SIN3A: variants seen among roughly 807,000 people sequenced by gnomAD.
SIN3A encodes the protein paired amphipathic helix protein Sin3a.
SIN3A carries 14 observed loss-of-function variants against 146.1 expected under a neutral mutation model. That is an observed-to-expected ratio of 0.10 (90% confidence interval 0.06 to 0.15). The LOEUF is 0.15. SIN3A is among the 10% of genes least tolerant of loss of function. The pLI, the probability that SIN3A is intolerant of heterozygous loss-of-function variation, is 1.00. For synonymous variants in SIN3A, 572 were observed against 572.0 expected (o/e 1.00, Z 0.00); for missense variants, 1,028 against 1,576.0 (o/e 0.65, Z 5.89).
chr15:75,400,106 G>A lies in SIN3A; in HGVS notation c.1788C>T (p.Thr596=), dbSNP rs2073383378. Residue 596 remains threonine (T), a synonymous_variant, in exon 12 of 21, where the codon ACC becomes ACT. Transcript: ENST00000394947. The part of the protein sequence containing the change: ...VSFPSWSEDS[T]FVSSKKTQYE... ...ATTGAGTCTTCTTGGAACTCACAAA[G>A]GTAGAGTCCTCAGACCACGAAGGGA... The A allele has an allele frequency of 2.5e-6, 4 of 1,612,062 alleles. No homozygotes were observed. The highest frequency in any genetic ancestry group is 1.3e-5 in the African/African-American group (1 of 74,862).
chr15:75,424,702 TG>T (rs1357789418), intron 2 of SIN3A, among the ~76,000 whole-genome samples: 3 of 152,046 alleles, frequency 2.0e-5, no homozygotes, highest in Non-Finnish European at 4.4e-5. Context: ...CTTGAACTCT[TG>T]GGTATGGAGT....
intron 3 of SIN3A, chr15:75,415,854 GAAAAA>G (rs397946961): frequency 1.4e-4 from 13 of 96,240 alleles, no homozygotes; most frequent in South Asian, 5.7e-4. Flanking sequence ...TCGGTCTCAG[GAAAAA>G]AAAAAAAAAA....
intron 16 of SIN3A, among the ~76,000 whole-genome samples, chr15:75,385,010 C>T (rs1005597885): frequency 3.3e-5 from 5 of 152,114 alleles, no homozygotes; most frequent in Non-Finnish European, 5.9e-5. Flanking sequence ...CCCATCTCTA[C>T]TAAAAATACA....
In SIN3A at chr15:75,442,162, T is replaced by G. The variant is rs1275886792; in HGVS notation, c.-34+9261A>C. On this transcript the variant is annotated intron_variant, in intron 1 of 20. Transcript: ENST00000394947. ...AAAAAAAAAAAAAAAAACTGATTTT[T>G]TTTTTCATTTTTACATAATTTTTCC... is the stretch of plus-strand genomic sequence containing the variant. Among the ~76,000 whole-genome samples the G allele has an allele frequency of 2.0e-5, 3 of 150,092 alleles. 1 individual carries two copies.
chr15:75,402,030 A>C, intron 9 of SIN3A, 60 bp from the exon 10 acceptor site: 1 of 1,073,572 alleles, frequency 9.3e-7, no homozygotes, highest in Non-Finnish European at 1.4e-6. Flanking sequence ...GGAACTGAAA[A>C]GGGCCTCGCT....
rs901705718 is a variant in SIN3A, at chr15:75,369,385, C to T, written c.*2594G>A. 4 of 152,026 alleles carry T rather than the reference C, an allele frequency of 2.6e-5. No homozygotes were observed. Among genetic ancestry groups the T allele is most frequent in the Non-Finnish European group, 5.9e-5 (4 of 68,024 alleles). The allele number at this position is 152,026 out of a possible 1,614,324, so 9.4% of individuals were successfully genotyped here. On this transcript the variant is annotated 3_prime_UTR_variant, in exon 21 of 21. Coordinates refer to ENST00000394947, the MANE Select transcript of SIN3A (RefSeq NM_001145358.2). ...CAAAAAAAAATACACAAGATTAGCC[C>T]TGATATTTTAATGGAAATACTGACC...
intron 8 of SIN3A, among the ~76,000 whole-genome samples, chr15:75,407,995 T>A (rs1313897871): frequency 6.9e-6 from 1 of 144,094 alleles, no homozygotes; most frequent in African/African-American, 2.5e-5. Flanking sequence ...CATGATATAA[T>A]CCTGTCAGGC....
At chr15:75,411,311 GT>G (rs1308538112) in intron 6 of SIN3A, among the ~76,000 whole-genome samples, 180 bp downstream of exon 6, 3 of 152,224 alleles carry the variant, frequency 2.0e-5, no homozygotes, top group Non-Finnish European at 2.9e-5. Context: ...CTGGGTGACA[GT>G]GCAAGACTCC....
intron 1 of SIN3A, among the ~76,000 whole-genome samples, chr15:75,441,252 C>T (rs189319130): frequency 2.6e-5 from 4 of 151,498 alleles, no homozygotes; most frequent in African/African-American, 7.3e-5. Flanking sequence ...GGAGGTTGAC[C>T]GAGATCTCGC....
intron 9 of SIN3A, 41 bp from the exon 10 acceptor site, chr15:75,402,011 T>C (rs753993976): frequency 2.6e-5 from 35 of 1,338,348 alleles, no homozygotes; most frequent in Non-Finnish European, 3.5e-5. Flanking sequence ...TTTGTTTTTC[T>C]TAAAGTGGGG....
chr15:75,441,271 T>C (rs1360876931), intron 1 of SIN3A, among the ~76,000 whole-genome samples: 1 of 151,380 alleles, frequency 6.6e-6, no homozygotes, highest in African/African-American at 2.4e-5. Flanking sequence ...GCCACTACAC[T>C]CCAGCGTGGG....
chr15:75,401,006 T>A, intron 10 of SIN3A, 66 bp from the exon 11 acceptor site: 1 of 1,096,752 alleles, frequency 9.1e-7, no homozygotes, highest in Non-Finnish European at 1.4e-6. Context: ...GAGGTATGAC[T>A]ACTACCATCT....
rs528682215 is a variant in SIN3A at position 75,403,798 on chromosome 15, G to A, written c.1408-1828C>T. ...TGACTTCAGGTGATCCACCCACCTC[G>A]GCCTCTCAAAGTGCTGGGATTACAG... is the stretch of plus-strand genomic sequence containing the variant. On this transcript the variant is annotated intron_variant, in intron 9 of 20. Coordinates refer to ENST00000394947, the MANE Select transcript of SIN3A (RefSeq NM_001145358.2). 1.9e-4 allele frequency among the ~76,000 whole-genome samples: 29 copies of A among 152,098 alleles called. No individual in the cohort carries two copies. In the South Asian group the frequency reaches 5.4e-3, roughly 28 times the overall value.
chr15:75,394,606 G>T, intron 14 of SIN3A, 74 bp downstream of exon 14: 1 of 1,251,906 alleles, frequency 8.0e-7, no homozygotes. Context: ...TTTAACAAAG[G>T]TAATTTCCAG....
At chr15:75,424,916 A>G (rs1013448387) in intron 2 of SIN3A, among the ~76,000 whole-genome samples, 1 of 152,216 alleles carries the variant, frequency 6.6e-6, no homozygotes, top group African/African-American at 2.4e-5. Flanking sequence ...CACTTCAACA[A>G]TGATATATAT....
chr15:75,417,565 G>A (rs889349086), intron 3 of SIN3A, among the ~76,000 whole-genome samples: 3 of 151,928 alleles, frequency 2.0e-5, no homozygotes, highest in Non-Finnish European at 4.4e-5. Context: ...TTTTAGTAGA[G>A]ATGGGATTTC....
intron 14 of SIN3A, among the ~76,000 whole-genome samples, 194 bp from the exon 15 acceptor site, chr15:75,393,009 C>T (rs1482413330): frequency 6.6e-6 from 1 of 152,206 alleles, no homozygotes; most frequent in Non-Finnish European, 1.5e-5. Flanking sequence ...GGAGGGTGAT[C>T]ACTTGAGGTC....
intron 14 of SIN3A, 57 bp downstream of exon 14, chr15:75,394,623 A>G: frequency 1.4e-6 from 2 of 1,402,030 alleles, no homozygotes; most frequent in Non-Finnish European, 1.9e-6. Context: ...CCAGAAATCA[A>G]AGCTGTGCTA....
intron 3 of SIN3A, chr15:75,422,405 A>T: frequency 1.6e-6 from 1 of 606,316 alleles, no homozygotes; most frequent in Admixed American, 2.9e-5. Context: ...CACAATCCTG[A>T]TAACATTTGA....
Sources: allele counts gnomAD v4.1 joint callset (sites outside exome capture counted in the v4.1 genomes callset), GRCh38; gene constraint gnomAD v4.1.1; transcripts MANE v1.5; gene names NCBI Gene and HGNC (gene_info 2026-07-23, HGNC 2026-07-21).